The following GRID2 variants were observed in gnomAD, a reference collection of about 807,000 sequenced individuals.
GRID2 encodes glutamate ionotropic receptor delta type subunit 2.
GRID2 carries 33 observed loss-of-function variants against 114.8 expected under a neutral mutation model. The ratio of observed to expected loss-of-function variants is 0.29; its 90% confidence interval spans 0.22 to 0.38. The LOEUF is 0.38. Ranked by LOEUF, GRID2 falls within the 10% of genes least tolerant of loss-of-function variation. The pLI is 1.00. For missense variants in GRID2, 1,184 were observed against 1,257.7 expected (o/e 0.94, Z 0.89); for synonymous variants, 505 against 449.9 (o/e 1.12, Z -1.55).
chr4:92,860,998 A>G (rs533448588), intron 2 of GRID2, among the ~76,000 whole-genome samples: 1 of 152,214 alleles, frequency 6.6e-6, no homozygotes, highest in Admixed American at 6.5e-5. Flanking sequence ...AAATAAAGTT[A>G]TAAATATATG....
chr4:92,949,178 G>GAGAA lies in GRID2; in HGVS notation c.245-135816_245-135815insGAAA, dbSNP rs563833216. The stretch of plus-strand genomic sequence containing the variant: ...TGTGTGTGTGTGTGAGAGAGAGAGA[G>GAGAA]AAGGAGGGAGTATTTAACGAGTAGC... On this transcript the variant is annotated intron_variant, in intron 2 of 15. Transcript: ENST00000282020. 5.2e-3 allele frequency among the ~76,000 whole-genome samples: 793 copies of GAGAA among 151,814 alleles called. 7 individuals carry two copies. Among genetic ancestry groups the GAGAA allele is most frequent in the African/African-American group, 0.018 (758 of 41,464 alleles).
rs911770393 is a variant in GRID2, at chr4:93,386,096, G to A, written c.1246-9511G>A. Among the ~76,000 whole-genome samples, 13 of 152,054 alleles carry A rather than the reference G, an allele frequency of 8.5e-5. 1 individual carries two copies. Among genetic ancestry groups the A allele is most frequent in the Admixed American group, 2.6e-4 (4 of 15,240 alleles). ...GACCCCAAAACACAAAGCTGAACTT[G>A]AGAAGTGAGCGCTCAAAACTATTAA... is the stretch of plus-strand genomic sequence containing the variant. On this transcript the variant is annotated intron_variant, in intron 8 of 15. Coordinates refer to ENST00000282020, the MANE Select transcript of GRID2 (RefSeq NM_001510.4).
chr4:92,938,364 A>AC (rs1370704507), intron 2 of GRID2, among the ~76,000 whole-genome samples: 1 of 146,702 alleles, frequency 6.8e-6, no homozygotes, highest in Non-Finnish European at 1.5e-5. Context: ...TTTCAAAAAA[A>AC]CTATTATAAA....
chr4:92,674,659 T>C (rs1180769560), intron 2 of GRID2, among the ~76,000 whole-genome samples: 1 of 152,000 alleles, frequency 6.6e-6, no homozygotes, highest in Non-Finnish European at 1.5e-5. Flanking sequence ...GTAGCTGGGA[T>C]TACAGGCACC....
intron 2 of GRID2, among the ~76,000 whole-genome samples, chr4:92,759,166 C>A (rs933366215): frequency 4.6e-5 from 7 of 152,178 alleles, no homozygotes; most frequent in Non-Finnish European, 8.8e-5. Flanking sequence ...GGTCACATCT[C>A]AAAATGTCAT....
Position 93,626,271 on chromosome 4 carries a change from A to G in GRID2, c.2196A>G (p.Val732=), listed in dbSNP as rs1250083437. ...VLESQAGIQK[V]KYGNYAFVWD... ...TTTTGTTCTTCATTTTTTCACAGGT[A>G]AAATATGGAAATTATGCTTTCGTAT... is the stretch of plus-strand genomic sequence containing the variant. The change falls in exon 14 of 16, where the codon GTA becomes GTG. Residue 732 remains valine, a splice_region_variant and synonymous_variant. Transcript: ENST00000282020. 1 of 1,578,460 alleles carries G rather than the reference A, an allele frequency of 6.3e-7. No individual in the cohort carries two copies. The highest frequency in any genetic ancestry group is 8.7e-7 in the Non-Finnish European group (1 of 1,154,832).
intron 1 of GRID2, among the ~76,000 whole-genome samples, chr4:92,344,131 TTAA>T (rs1345038888): frequency 6.6e-6 from 1 of 152,158 alleles, no homozygotes; most frequent in East Asian, 1.9e-4. Context: ...AACTTATAAT[TTAA>T]TAATTATAAT....
chr4:93,687,176 A>G (rs1726149934), intron 14 of GRID2, among the ~76,000 whole-genome samples: 1 of 152,044 alleles, frequency 6.6e-6, no homozygotes. Context: ...ATAAAATAAG[A>G]CAAAAATAAA....
chr4:92,574,031 G>C (rs578231354), intron 1 of GRID2, among the ~76,000 whole-genome samples: 17 of 152,276 alleles, frequency 1.1e-4, no homozygotes, highest in African/African-American at 3.6e-4. Context: ...AGCTGTTCTT[G>C]TTGAATTGAA....
chr4:93,450,273 A>C (rs554773618), intron 10 of GRID2, among the ~76,000 whole-genome samples: 1 of 152,026 alleles, frequency 6.6e-6, no homozygotes, highest in Non-Finnish European at 1.5e-5. Context: ...AAACTAAAAC[A>C]TCTAATAAAG....
intron 13 of GRID2, among the ~76,000 whole-genome samples, chr4:93,541,302 T>G (rs1038921449): frequency 6.6e-6 from 1 of 152,112 alleles, no homozygotes; most frequent in Admixed American, 6.6e-5. Flanking sequence ...TTATAAAAGT[T>G]AACAACATGA....
At chr4:93,467,080 A>C (rs955982333) in intron 11 of GRID2, among the ~76,000 whole-genome samples, 3 of 152,214 alleles carry the variant, frequency 2.0e-5, no homozygotes, top group African/African-American at 7.2e-5. Flanking sequence ...ACCATGCCGG[A>C]TCTGAAAACA....
At chr4:92,539,424 A>AAAT (rs1328291245) in intron 1 of GRID2, among the ~76,000 whole-genome samples, 2 of 152,144 alleles carry the variant, frequency 1.3e-5, no homozygotes, top group African/African-American at 4.8e-5. Context: ...TTCAAGGTAG[A>AAAT]AATATAATTT....
At chr4:92,745,925 T>A (rs1035737125) in intron 2 of GRID2, among the ~76,000 whole-genome samples, 1 of 152,094 alleles carries the variant, frequency 6.6e-6, no homozygotes, top group Admixed American at 6.5e-5. Context: ...TGGCTGAAAA[T>A]CATCGGGTTT....
chr4:93,767,122 G>A (rs1733736738), intron 14 of GRID2, among the ~76,000 whole-genome samples: 1 of 152,146 alleles, frequency 6.6e-6, no homozygotes, highest in African/African-American at 2.4e-5. Flanking sequence ...TACTTGGAAA[G>A]CAAAATGAGA....
At chr4:93,268,469 A>G (rs1273930798) in intron 8 of GRID2, among the ~76,000 whole-genome samples, 1 of 152,204 alleles carries the variant, frequency 6.6e-6, no homozygotes, top group African/African-American at 2.4e-5. Context: ...TGAGGTGGAC[A>G]CAAACATTCA....
intron 14 of GRID2, among the ~76,000 whole-genome samples, chr4:93,698,068 T>G (rs1348999852): frequency 6.6e-6 from 1 of 151,922 alleles, no homozygotes; most frequent in Non-Finnish European, 1.5e-5. Context: ...TTATAACTCT[T>G]GTACATATGC....
chr4:93,417,266 T>C (rs1199613804), intron 9 of GRID2, among the ~76,000 whole-genome samples: 1 of 152,076 alleles, frequency 6.6e-6, no homozygotes, highest in African/African-American at 2.4e-5. Context: ...AATAATCCAT[T>C]CTACACTCTA....
chr4:93,188,828 G>A (rs1239126170), intron 4 of GRID2, among the ~76,000 whole-genome samples: 3 of 152,080 alleles, frequency 2.0e-5, no homozygotes, highest in Non-Finnish European at 4.4e-5. Flanking sequence ...CCTGGGACAC[G>A]ATTCAGTCAA....
Sources: allele counts gnomAD v4.1 joint callset (sites outside exome capture counted in the v4.1 genomes callset), GRCh38; gene constraint gnomAD v4.1.1; transcripts MANE v1.5; gene names NCBI Gene and HGNC (gene_info 2026-07-23, HGNC 2026-07-21).